SLC7A11: variants seen among roughly 807,000 people sequenced by gnomAD.
The protein encoded by SLC7A11 is solute carrier family 7 member 11.
Under a neutral mutation model 54.5 loss-of-function variants are expected in SLC7A11, and 35 were observed. That is an observed-to-expected ratio of 0.64 (90% confidence interval 0.49 to 0.85). The LOEUF (loss-of-function observed/expected upper bound fraction) is 0.85, where lower values mean the gene tolerates loss of function less well. SLC7A11 is among the 40% of genes least tolerant of loss of function. The pLI is 0.00. For missense variants in SLC7A11, 583 were observed against 618.1 expected, an observed-to-expected ratio of 0.94 and a Z score of 0.60; for synonymous variants, 230 against 225.2, an observed-to-expected ratio of 1.02 and a Z score of -0.19.
chr4:138,205,042 G>C (rs1214976024), intron 6 of SLC7A11, among the ~76,000 whole-genome samples: 1 of 151,928 alleles, frequency 6.6e-6, no homozygotes, highest in South Asian at 2.1e-4. Context: ...TATATTACTT[G>C]CAGAGCTCAT....
At position 138,179,200 on chromosome 4, in the gene SLC7A11, GTA is replaced by G. The variant is rs763586346; in HGVS notation, c.1444+15_1444+16del. 2 of 1,542,128 alleles carry G rather than the reference GTA, an allele frequency of 1.3e-6. No homozygotes were observed. On this transcript the variant is annotated intron_variant, in intron 11 of 11. Coordinates refer to ENST00000280612, the MANE Select transcript of SLC7A11 (RefSeq NM_014331.4). ...CATGGTGTTGCACAATGTCCTGAAA[GTA>G]TTTAAAATTCTTACCCGACATTATT... is the stretch of plus-strand genomic sequence containing the variant.
intron 7 of SLC7A11, 140 bp downstream of exon 7, chr4:138,184,981 A>AT: frequency 1.1e-6 from 1 of 879,432 alleles, no homozygotes; most frequent in Non-Finnish European, 1.8e-6. Flanking sequence ...TATGCTCTAA[A>AT]TTTTTTAAAT....
At position 138,169,680 on chromosome 4, in the gene SLC7A11, C is replaced by T. The variant is rs1410491576; in HGVS notation, c.*2276G>A. On this transcript the variant is annotated 3_prime_UTR_variant, in exon 12 of 12. Transcript: ENST00000280612. ...TCTTCTTTCATTTGGCAAGAAAAAG[C>T]TCAGGAAAATTTGCTTGTTTAAATT... 3.3e-5 allele frequency: 5 copies of T among 151,636 alleles called. No homozygotes were observed. The East Asian group carries it at 9.7e-4, about 29-fold the overall frequency. 9.4% of individuals were successfully genotyped at this position (151,636 alleles called of 1,614,324 possible). A position where few individuals can be genotyped will look rare whatever the true frequency, so the allele number is the denominator to read the frequency against.
chr4:138,223,868 G>A (rs1407023172), intron 3 of SLC7A11, among the ~76,000 whole-genome samples: 5 of 152,132 alleles, frequency 3.3e-5, no homozygotes, highest in Admixed American at 6.5e-5. Context: ...CATGTCAAGG[G>A]GCGACTTTCA....
At chr4:138,225,745 C>G (rs1737932803) in intron 3 of SLC7A11, among the ~76,000 whole-genome samples, 1 of 151,774 alleles carries the variant, frequency 6.6e-6, no homozygotes, top group Non-Finnish European at 1.5e-5. Context: ...ATGTGGCCAC[C>G]AGCAACAAAA....
chr4:138,234,543 C>T (rs1738158600), intron 2 of SLC7A11, among the ~76,000 whole-genome samples: 1 of 151,690 alleles, frequency 6.6e-6, no homozygotes, highest in Non-Finnish European at 1.5e-5. Flanking sequence ...TCAACAGACA[C>T]ACACACACAG....
At chr4:138,239,081 A>G (rs1738312083) in intron 1 of SLC7A11, among the ~76,000 whole-genome samples, 1 of 152,346 alleles carries the variant, frequency 6.6e-6, no homozygotes, top group East Asian at 1.9e-4. Flanking sequence ...TCATCTACCT[A>G]TAACTAATTT....
rs988656932 is a variant in SLC7A11 at position 138,242,339 on chromosome 4, C to T, written c.-270G>A. On this transcript the variant is annotated 5_prime_UTR_variant, in exon 1 of 12. An upstream start codon of the reference 5' UTR is lost. Transcript: ENST00000280612. Reference sequence around the variant, plus strand: ...GCTGCTGCTGCTGCTGCCGCCCTATCATTACAAACCAGCTCAGCTTCCTCA... The same window carrying T: ...GCTGCTGCTGCTGCTGCCGCCCTATTATTACAAACCAGCTCAGCTTCCTCA... 4 of 487,664 alleles carry T rather than the reference C, an allele frequency of 8.2e-6. No individual in the cohort carries two copies. The highest frequency in any genetic ancestry group is 7.8e-5 in the African/African-American group (4 of 51,354). The allele number at this position is 487,664 out of a possible 1,614,324, so 30.2% of individuals were successfully genotyped here.
intron 4 of SLC7A11, among the ~76,000 whole-genome samples, chr4:138,222,849 T>A (rs960986271): frequency 2.1e-5 from 3 of 146,158 alleles, no homozygotes; most frequent in Non-Finnish European, 4.5e-5. Context: ...ATTACTATTA[T>A]TGGACAATTT....
At chr4:138,175,090 T>A (rs1182830187) in intron 11 of SLC7A11, among the ~76,000 whole-genome samples, 1 of 152,208 alleles carries the variant, frequency 6.6e-6, no homozygotes, top group African/African-American at 2.4e-5. Flanking sequence ...CTAAGAAATG[T>A]AGGCAAGCTT....
chr4:138,188,339 A>G (rs1027543050), intron 6 of SLC7A11, among the ~76,000 whole-genome samples: 1 of 152,220 alleles, frequency 6.6e-6, no homozygotes, highest in African/African-American at 2.4e-5. Flanking sequence ...ATGGGATTAC[A>G]GGCATGAGCC....
chr4:138,197,229 C>T (rs571397030), intron 6 of SLC7A11, among the ~76,000 whole-genome samples: 49 of 152,098 alleles, frequency 3.2e-4, no homozygotes, highest in Admixed American at 9.8e-4. Flanking sequence ...TAATCTAAGG[C>T]AATTTCGATA....
intron 6 of SLC7A11, among the ~76,000 whole-genome samples, chr4:138,193,460 C>G (rs1737059420): frequency 6.6e-6 from 1 of 152,104 alleles, no homozygotes; most frequent in Admixed American, 6.6e-5. Context: ...AAAGTCATGT[C>G]TTTACATCAC....
intron 6 of SLC7A11, among the ~76,000 whole-genome samples, chr4:138,196,522 A>T (rs1487915159): frequency 6.6e-6 from 1 of 152,116 alleles, no homozygotes; most frequent in Non-Finnish European, 1.5e-5. Flanking sequence ...AGAGCAACAC[A>T]ATTGTGTTTT....
At chr4:138,229,535 T>C (rs1738023994) in intron 3 of SLC7A11, among the ~76,000 whole-genome samples, 1 of 152,218 alleles carries the variant, frequency 6.6e-6, no homozygotes, top group Non-Finnish European at 1.5e-5. Context: ...TAGAAGGAAA[T>C]GTCTGGGTTC....
At chr4:138,210,849 G>C (rs1460930387) in intron 6 of SLC7A11, among the ~76,000 whole-genome samples, 4 of 152,034 alleles carry the variant, frequency 2.6e-5, no homozygotes, top group African/African-American at 4.8e-5. Flanking sequence ...ATTTCTCAAA[G>C]AACTTATAGC....
At chr4:138,236,596 A>T (rs986241478) in intron 1 of SLC7A11, 145 bp from the exon 2 acceptor site, 16 of 717,484 alleles carry the variant, frequency 2.2e-5, no homozygotes, top group Non-Finnish European at 3.4e-5. Flanking sequence ...AAGACAAATA[A>T]CCATCATCTA....
At chr4:138,234,223 G>A (rs560791616) in intron 2 of SLC7A11, among the ~76,000 whole-genome samples, 5 of 152,202 alleles carry the variant, frequency 3.3e-5, no homozygotes, top group African/African-American at 9.6e-5. Flanking sequence ...TAGTGCACAC[G>A]CAAATTCGGT....
At chr4:138,173,151 T>G (rs1403772245) in intron 11 of SLC7A11, among the ~76,000 whole-genome samples, 1 of 152,094 alleles carries the variant, frequency 6.6e-6, no homozygotes, top group Non-Finnish European at 1.5e-5. Flanking sequence ...CCAGTTTGCT[T>G]CTTATCTTTG....
Sources: allele counts gnomAD v4.1 joint callset (sites outside exome capture counted in the v4.1 genomes callset), GRCh38; gene constraint gnomAD v4.1.1; transcripts MANE v1.5; gene names NCBI Gene and HGNC (gene_info 2026-07-23, HGNC 2026-07-21).